The following CLNK variants were observed in gnomAD, a reference collection of about 807,000 sequenced individuals.
CLNK encodes cytokine-dependent hematopoietic cell linker.
A neutral mutation model predicts 68.6 loss-of-function variants in CLNK; 74 were observed. The observed-to-expected ratio is 1.08, with a 90% CI of 0.89 to 1.31. The LOEUF (loss-of-function observed/expected upper bound fraction) is 1.31, where lower values mean the gene tolerates loss of function less well. Ranked by LOEUF, CLNK falls within the 50% of genes most tolerant of loss-of-function variation. CLNK has a pLI of 0.00. For missense variants in CLNK, 553 were observed against 515.3 expected, an observed-to-expected ratio of 1.07 and a Z score of -0.71; for synonymous variants, 198 against 172.2, an observed-to-expected ratio of 1.15 and a Z score of -1.17.
chr4:10,566,399 G>A (rs1720117508), intron 5 of CLNK, among the ~76,000 whole-genome samples: 1 of 152,232 alleles, frequency 6.6e-6, no homozygotes, highest in Non-Finnish European at 1.5e-5. Flanking sequence ...AAGGGACAGT[G>A]CAGATGTAAT....
At chr4:10,537,970 A>G (rs1302945790) in intron 11 of CLNK, among the ~76,000 whole-genome samples, 1 of 151,928 alleles carries the variant, frequency 6.6e-6, no homozygotes, top group Admixed American at 6.6e-5. Context: ...CTGAAGTCAT[A>G]CTGCCAAAAG....
intron 2 of CLNK, among the ~76,000 whole-genome samples, chr4:10,610,033 G>GTTTTTTTTTTT (rs71181047): frequency 5.4e-5 from 4 of 73,448 alleles, no homozygotes; most frequent in Non-Finnish European, 7.2e-5. Flanking sequence ...ATGAATGCTC[G>GTTTTTTTTTTT]TTTTTTTTTT....
chr4:10,676,884 G>C (rs766500467), intron 1 of CLNK, among the ~76,000 whole-genome samples: 3 of 150,588 alleles, frequency 2.0e-5, no homozygotes, highest in African/African-American at 7.3e-5. Flanking sequence ...TACTGTTCAC[G>C]TAAAGTGAGA....
chr4:10,649,881 TA>T lies in CLNK; in HGVS notation c.11+17977del, dbSNP rs539591777. On this transcript the variant is annotated intron_variant, in intron 2 of 18. Coordinates refer to ENST00000226951, the MANE Select transcript of CLNK (RefSeq NM_052964.4). ...AAGAAATATGAGCAGGCAGACAAAA[TA>T]AAAAAAAAAATGCTTCAGATAACAG... Among the ~76,000 whole-genome samples the T allele has an allele frequency of 2.9e-3, 408 of 141,530 alleles. 5 individuals are homozygous for T. Among genetic ancestry groups the T allele is most frequent in the East Asian group, 3.5e-3 (17 of 4,868 alleles). The allele number at this position is 141,530 out of a possible 152,430, so 92.8% of individuals were successfully genotyped here.
At chr4:10,503,142 A>G (rs369397318) in intron 17 of CLNK, among the ~76,000 whole-genome samples, 9 of 152,214 alleles carry the variant, frequency 5.9e-5, no homozygotes, top group African/African-American at 1.9e-4. Flanking sequence ...AATTGTGTGT[A>G]TTGTATAGAT....
chr4:10,566,266 A>G (rs1720110296), intron 5 of CLNK, 116 bp from the exon 6 acceptor site: 1 of 987,882 alleles, frequency 1.0e-6, no homozygotes, highest in African/African-American at 1.6e-5. Flanking sequence ...TTAAATATTT[A>G]AGAATCTAGG....
At chr4:10,695,682 G>A in the CLNK span, among the ~76,000 whole-genome samples, 2 of 152,324 alleles carry the variant, frequency 1.3e-5, no homozygotes, top group East Asian at 1.9e-4. Context: ...CCACAGCCTG[G>A]TCAAGGTCAG....
At chr4:10,661,451 A>G (rs1302685102) in intron 2 of CLNK, among the ~76,000 whole-genome samples, 1 of 152,258 alleles carries the variant, frequency 6.6e-6, no homozygotes, top group African/African-American at 2.4e-5. Flanking sequence ...TTATGATATA[A>G]GATCACGGAT....
At chr4:10,536,098 C>T (rs1407897827) in intron 11 of CLNK, among the ~76,000 whole-genome samples, 1 of 152,158 alleles carries the variant, frequency 6.6e-6, no homozygotes, top group Non-Finnish European at 1.5e-5. Flanking sequence ...GGGCCTGAAA[C>T]ACAATAGCTG....
the CLNK span, among the ~76,000 whole-genome samples, chr4:10,699,556 A>C: frequency 8.3e-6 from 1 of 120,058 alleles, no homozygotes; most frequent in Admixed American, 9.9e-5. Flanking sequence ...CTTGTTGCCC[A>C]GGCTGGAGCA....
chr4:10,533,810 G>T (rs1226715787), intron 11 of CLNK, among the ~76,000 whole-genome samples: 1 of 152,214 alleles, frequency 6.6e-6, no homozygotes, highest in African/African-American at 2.4e-5. Flanking sequence ...GAAGTTACAA[G>T]TGTCAAGATG....
At chr4:10,512,135 C>T (rs889485738) in intron 16 of CLNK, among the ~76,000 whole-genome samples, 11 of 151,952 alleles carry the variant, frequency 7.2e-5, no homozygotes, top group Non-Finnish European at 1.5e-4. Context: ...CTTGTGTGGA[C>T]CTCTAGTTAG....
At chr4:10,675,060 G>T (rs1169834602) in intron 1 of CLNK, among the ~76,000 whole-genome samples, 1 of 152,148 alleles carries the variant, frequency 6.6e-6, no homozygotes, top group Admixed American at 6.5e-5. Context: ...TAGATGATGG[G>T]TTGGATGGAT....
At chr4:10,717,152 A>T in the CLNK span, among the ~76,000 whole-genome samples, 18 of 152,286 alleles carry the variant, frequency 1.2e-4, no homozygotes, top group African/African-American at 4.1e-4. Flanking sequence ...CTGAGCAGGA[A>T]ACTAGAGCTT....
the CLNK span, among the ~76,000 whole-genome samples, chr4:10,717,801 G>T: frequency 1.3e-5 from 2 of 152,156 alleles, no homozygotes; most frequent in African/African-American, 4.8e-5. Context: ...CCTGGAATAT[G>T]CAGTTTTCAA....
At chr4:10,638,336 G>A (rs1317540210) in intron 2 of CLNK, among the ~76,000 whole-genome samples, 1 of 152,170 alleles carries the variant, frequency 6.6e-6, no homozygotes, top group Non-Finnish European at 1.5e-5. Context: ...GTGAAAGGGG[G>A]CTCTACTAAT....
chr4:10,574,733 G>A (rs769138886), intron 4 of CLNK, among the ~76,000 whole-genome samples: 7 of 152,186 alleles, frequency 4.6e-5, no homozygotes, highest in South Asian at 2.1e-4. Context: ...ACAGCCTGGC[G>A]TTGCACCCTG....
chr4:10,587,697 A>G (rs1379969097), intron 3 of CLNK, among the ~76,000 whole-genome samples: 1 of 152,204 alleles, frequency 6.6e-6, no homozygotes, highest in African/African-American at 2.4e-5. Context: ...GCTCGCTGTT[A>G]TCGCCTCAAC....
intron 2 of CLNK, among the ~76,000 whole-genome samples, chr4:10,607,172 A>C (rs1721822747): frequency 6.6e-6 from 1 of 152,190 alleles, no homozygotes; most frequent in African/African-American, 2.4e-5. Context: ...AGGTGCATCC[A>C]TAGAGTTTCT....
Sources: gnomAD v4.1 joint callset for allele counts (sites outside exome capture counted in the v4.1 genomes callset) on GRCh38, gnomAD v4.1.1 for gene constraint, MANE v1.5 for transcripts, NCBI Gene and HGNC (gene_info 2026-07-23, HGNC 2026-07-21) for gene names.